MNAT1: variants seen among roughly 807,000 people sequenced by gnomAD.
The protein encoded by MNAT1 is MNAT1 component of CDK activating kinase, also known as CDK-activating kinase assembly factor MAT1.
A neutral mutation model predicts 42.0 loss-of-function variants in MNAT1; 43 were observed. That is an observed-to-expected ratio of 1.02 (90% confidence interval 0.80 to 1.32). MNAT1 has a LOEUF of 1.32. MNAT1 is among the 40% of genes most tolerant of loss of function. MNAT1 has a pLI of 0.00. For synonymous variants in MNAT1, 118 were observed against 120.0 expected (o/e 0.98, Z 0.11); for missense variants, 306 against 350.4 (o/e 0.87, Z 1.01).
intron 7 of MNAT1, among the ~76,000 whole-genome samples, chr14:60,921,144 G>T (rs1396714161): frequency 6.6e-6 from 1 of 152,130 alleles, no homozygotes; most frequent in Non-Finnish European, 1.5e-5. Flanking sequence ...AATATTAGAT[G>T]TTACATAAAC....
rs569713263 is a variant in MNAT1, at chr14:60,767,013, T to A, written c.90-29204T>A. 5.3e-3 allele frequency among the ~76,000 whole-genome samples: 800 copies of A among 152,304 alleles called. 5 individuals are homozygous for A. Among genetic ancestry groups the A allele is most frequent in the Middle Eastern group, 0.01 (3 of 294 alleles). On this transcript the variant is annotated intron_variant, in intron 1 of 7. Coordinates refer to ENST00000261245, the MANE Select transcript of MNAT1 (RefSeq NM_002431.4). ...ATAAAAACTATTGTTTGTAAGTAAA[T>A]CAAGTTTGAGAGTTTCTGCTTTAAT...
At chr14:60,864,974 A>G (rs571361482) in intron 6 of MNAT1, among the ~76,000 whole-genome samples, 3 of 152,172 alleles carry the variant, frequency 2.0e-5, no homozygotes, top group South Asian at 4.1e-4. Context: ...AAATGACCTC[A>G]AATAGAACGA....
chr14:60,815,022 T>A (rs1407941499), intron 5 of MNAT1, among the ~76,000 whole-genome samples: 1 of 152,188 alleles, frequency 6.6e-6, no homozygotes, highest in Non-Finnish European at 1.5e-5. Flanking sequence ...CTTCCCCTTA[T>A]CATTTTATAC....
intron 6 of MNAT1, among the ~76,000 whole-genome samples, chr14:60,825,972 C>G (rs763965757): frequency 6.6e-6 from 1 of 152,062 alleles, no homozygotes; most frequent in African/African-American, 2.4e-5. Flanking sequence ...GGAAATAGAT[C>G]CTTTGAGATG....
In MNAT1 at chr14:60,846,968, A is replaced by G. The variant is rs192809613; in HGVS notation, c.687+28121A>G. 4.5e-3 allele frequency among the ~76,000 whole-genome samples: 691 copies of G among 152,022 alleles called. 9 individuals carry two copies. Among genetic ancestry groups the G allele is most frequent in the African/African-American group, 0.015 (618 of 41,466 alleles). ...TCTGACTATTATTGTTGAATTGTTT[A>G]TTTCTCTCTCAATTCTGTCCAGCGT... On this transcript the variant is annotated intron_variant, in intron 6 of 7. Coordinates refer to ENST00000261245, the MANE Select transcript of MNAT1 (RefSeq NM_002431.4).
intron 1 of MNAT1, among the ~76,000 whole-genome samples, chr14:60,746,944 ACACACACAC>A (rs1896647628): frequency 2.6e-5 from 1 of 38,686 alleles, no homozygotes; most frequent in Non-Finnish European, 9.6e-5. Context: ...ACACACACAC[ACACACACAC>A]ACACACACAC....
At chr14:60,939,772 G>T (rs190258235) in intron 7 of MNAT1, among the ~76,000 whole-genome samples, 10 of 152,100 alleles carry the variant, frequency 6.6e-5, no homozygotes, top group African/African-American at 2.4e-4. Flanking sequence ...GCTGAGTTCA[G>T]TTCCTGGAGA....
At chr14:60,845,131 G>A (rs779593737) in intron 6 of MNAT1, among the ~76,000 whole-genome samples, 2 of 151,738 alleles carry the variant, frequency 1.3e-5, no homozygotes, top group African/African-American at 2.4e-5. Flanking sequence ...TTTTGTTAGC[G>A]TCATTGGCTT....
chr14:60,952,556 A>G (rs1166170329), intron 7 of MNAT1, among the ~76,000 whole-genome samples: 1 of 152,196 alleles, frequency 6.6e-6, no homozygotes, highest in Non-Finnish European at 1.5e-5. Context: ...CAGGTTTCAC[A>G]CTGGTATTCA....
intron 7 of MNAT1, among the ~76,000 whole-genome samples, chr14:60,933,541 A>G (rs1351749748): frequency 6.6e-6 from 1 of 152,168 alleles, no homozygotes; most frequent in African/African-American, 2.4e-5. Flanking sequence ...AAATGTAAAG[A>G]AAATAAGGGA....
intron 1 of MNAT1, among the ~76,000 whole-genome samples, chr14:60,791,931 G>A (rs188852385): frequency 6.6e-6 from 1 of 152,174 alleles, no homozygotes; most frequent in Admixed American, 6.5e-5. Context: ...CATGGTGACG[G>A]TTAGGAAGGA....
chr14:60,852,467 T>G (rs2139419415), intron 6 of MNAT1, among the ~76,000 whole-genome samples: 1 of 152,280 alleles, frequency 6.6e-6, no homozygotes, highest in African/African-American at 2.4e-5. Flanking sequence ...ATGGGTAGAT[T>G]ACAGAAATTT....
chr14:60,870,985 A>T (rs1003844748), intron 6 of MNAT1, among the ~76,000 whole-genome samples: 1 of 152,196 alleles, frequency 6.6e-6, no homozygotes, highest in Non-Finnish European at 1.5e-5. Context: ...TAGAAGTGGA[A>T]TCATGTAATA....
chr14:60,891,568 A>G (rs1213862498), intron 7 of MNAT1, among the ~76,000 whole-genome samples: 2 of 151,990 alleles, frequency 1.3e-5, no homozygotes, highest in African/African-American at 2.4e-5. Flanking sequence ...CTCCTGCTTC[A>G]GCCTCCTGAG....
At chr14:60,953,676 G>C (rs1176445155) in intron 7 of MNAT1, among the ~76,000 whole-genome samples, 1 of 152,118 alleles carries the variant, frequency 6.6e-6, no homozygotes, top group African/African-American at 2.4e-5. Context: ...TGGTAGTTCT[G>C]TTTTTAATTT....
chr14:60,784,005 T>G (rs950054939), intron 1 of MNAT1, among the ~76,000 whole-genome samples: 8 of 151,566 alleles, frequency 5.3e-5, no homozygotes, highest in African/African-American at 1.7e-4. Flanking sequence ...CTTTTATTTT[T>G]TATTTTATTT....
intron 5 of MNAT1, among the ~76,000 whole-genome samples, chr14:60,815,899 T>C (rs542710408): frequency 6.6e-6 from 1 of 152,356 alleles, no homozygotes; most frequent in South Asian, 2.1e-4. Context: ...TCAGTCTTTA[T>C]ACAATGTTAT....
chr14:60,875,362 A>T (rs2034413995), intron 6 of MNAT1, among the ~76,000 whole-genome samples: 1 of 152,094 alleles, frequency 6.6e-6, no homozygotes, highest in South Asian at 2.1e-4. Context: ...CATTTTGAGG[A>T]TAATAGCTTC....
chr14:60,953,658 A>G (rs1426676086), intron 7 of MNAT1, among the ~76,000 whole-genome samples: 1 of 152,148 alleles, frequency 6.6e-6, no homozygotes, highest in Non-Finnish European at 1.5e-5. Context: ...ACTAATAAGG[A>G]GTGCATATGG....
Sources: gnomAD v4.1 joint callset for allele counts (sites outside exome capture counted in the v4.1 genomes callset) on GRCh38, gnomAD v4.1.1 for gene constraint, MANE v1.5 for transcripts, NCBI Gene and HGNC (gene_info 2026-07-23, HGNC 2026-07-21) for gene names.